Variants in RASAL2 observed in about 807,000 individuals in gnomAD.
RASAL2 encodes RAS protein activator like 2.
In RASAL2, 58 loss-of-function variants were observed where a neutral mutation model predicts 128.9. The observed-to-expected ratio is 0.45, with a 90% confidence interval of 0.36 to 0.56. The LOEUF is 0.56. RASAL2 is among the 20% of genes least tolerant of loss of function. The pLI is 0.00. For synonymous variants in RASAL2, 561 were observed against 580.8 expected (o/e 0.97, Z 0.49); for missense variants, 1,360 against 1,601.6 (o/e 0.85, Z 2.57).
At chr1:178,251,164 A>C (rs1665036398) in intron 1 of RASAL2, among the ~76,000 whole-genome samples, 1 of 152,170 alleles carries the variant, frequency 6.6e-6, no homozygotes. Context: ...TCGTGTCTAA[A>C]TCTAGCCATC....
intron 1 of RASAL2, among the ~76,000 whole-genome samples, chr1:178,208,141 T>C (rs992505303): frequency 6.6e-6 from 1 of 152,194 alleles, no homozygotes; most frequent in African/African-American, 2.4e-5. Flanking sequence ...GTTTGAACAA[T>C]ATGAAATCAG....
chr1:178,111,317 C>G (rs1400326268), intron 1 of RASAL2, among the ~76,000 whole-genome samples: 1 of 152,182 alleles, frequency 6.6e-6, no homozygotes, highest in East Asian at 1.9e-4. Flanking sequence ...CCATGTTGCC[C>G]AGGCTTATCT....
At chr1:178,361,000 T>C (rs1671077181) in intron 3 of RASAL2, among the ~76,000 whole-genome samples, 1 of 152,242 alleles carries the variant, frequency 6.6e-6, no homozygotes, top group South Asian at 2.1e-4. Context: ...TTTCTATTGA[T>C]ATAATATTTA....
intron 1 of RASAL2, among the ~76,000 whole-genome samples, chr1:178,116,216 C>CT (rs1239700428): frequency 6.6e-6 from 1 of 152,008 alleles, no homozygotes; most frequent in Admixed American, 6.6e-5. Flanking sequence ...TTTTATGGAG[C>CT]TTTTTTATTA....
intron 14 of RASAL2, among the ~76,000 whole-genome samples, chr1:178,462,512 A>G (rs1327743545): frequency 6.6e-6 from 1 of 152,140 alleles, no homozygotes; most frequent in Non-Finnish European, 1.5e-5. Context: ...TGAAGAACAT[A>G]CTACAACAAA....
intron 1 of RASAL2, among the ~76,000 whole-genome samples, chr1:178,139,266 A>G (rs543651573): frequency 6.6e-6 from 1 of 152,150 alleles, no homozygotes; most frequent in South Asian, 2.1e-4. Context: ...CATGGGAATA[A>G]GGGAACTTTT....
chr1:178,292,976 A>C (rs1020573969), intron 2 of RASAL2, among the ~76,000 whole-genome samples: 1 of 152,166 alleles, frequency 6.6e-6, no homozygotes, highest in African/African-American at 2.4e-5. Context: ...AAGTGTTTAC[A>C]CTCAGATATG....
chr1:178,257,385 A>G (rs11580064), intron 1 of RASAL2, among the ~76,000 whole-genome samples: 15,428 of 151,768 alleles, frequency 0.1, 813 homozygotes, highest in Middle Eastern at 0.14. Context: ...AGTAGTAACC[A>G]ATCAAGAATC....
At chr1:178,451,424 GCTT>G in intron 9 of RASAL2, 144 bp from the exon 10 acceptor site, 1 of 756,664 alleles carries the variant, frequency 1.3e-6, no homozygotes, top group Admixed American at 2.9e-5. Context: ...AAGCAATGAG[GCTT>G]CATGGGCCAT....
intron 1 of RASAL2, among the ~76,000 whole-genome samples, chr1:178,226,893 T>C (rs976403348): frequency 1.3e-5 from 2 of 152,120 alleles, no homozygotes; most frequent in South Asian, 2.1e-4. Context: ...TGAGCCAAGA[T>C]CATGCCACTG....
intron 3 of RASAL2, among the ~76,000 whole-genome samples, chr1:178,344,031 G>A (rs7522792): frequency 0.068 from 10,279 of 152,096 alleles, 1,114 homozygotes; most frequent in African/African-American, 0.23. Flanking sequence ...GCATAAAAAA[G>A]AAACTCTCAT....
intron 1 of RASAL2, among the ~76,000 whole-genome samples, chr1:178,198,374 A>T (rs369503123): frequency 7.9e-5 from 12 of 151,930 alleles, no homozygotes; most frequent in African/African-American, 2.9e-4. Context: ...TGGAGGGGGC[A>T]CTCTGGTTTT....
At chr1:178,451,129 T>C (rs1677348131) in intron 9 of RASAL2, among the ~76,000 whole-genome samples, 1 of 152,192 alleles carries the variant, frequency 6.6e-6, no homozygotes, top group Non-Finnish European at 1.5e-5. Flanking sequence ...CTTGCATCCG[T>C]GTTTGGCACC....
chr1:178,334,317 T>A (rs1669477857), intron 3 of RASAL2, among the ~76,000 whole-genome samples: 1 of 152,026 alleles, frequency 6.6e-6, no homozygotes, highest in Non-Finnish European at 1.5e-5. Flanking sequence ...TGGTAAAAAA[T>A]CATTCATTTA....
intron 1 of RASAL2, among the ~76,000 whole-genome samples, chr1:178,175,424 A>G (rs1661847821): frequency 7.8e-6 from 1 of 129,012 alleles, no homozygotes; most frequent in South Asian, 2.8e-4. Context: ...TATTCTGTGT[A>G]TATACATGGT....
In RASAL2 at chr1:178,302,611, A is replaced by G. The variant is rs533793615; in HGVS notation, c.457+2493A>G. On this transcript the variant is annotated intron_variant, in intron 3 of 17. Coordinates refer to ENST00000367649, the MANE Select transcript of RASAL2 (RefSeq NM_170692.4). ...AATGAATTTCAAAATTTCTGTCCCC[A>G]TCCTTACCACCACATACACGTATAC... Among the ~76,000 whole-genome samples, 5 of 152,338 alleles carry G rather than the reference A, an allele frequency of 3.3e-5. 1 individual carries two copies. The East Asian group carries it at 9.6e-4, about 29-fold the overall frequency.
chr1:178,307,663 A>G (rs1668057785), intron 3 of RASAL2, among the ~76,000 whole-genome samples: 2 of 152,218 alleles, frequency 1.3e-5, no homozygotes, highest in African/African-American at 4.8e-5. Flanking sequence ...AAAGCTGAAG[A>G]GTGGACATTT....
chr1:178,404,529 T>C (rs757746506), intron 4 of RASAL2, among the ~76,000 whole-genome samples: 4 of 151,690 alleles, frequency 2.6e-5, no homozygotes, highest in African/African-American at 4.8e-5. Flanking sequence ...TACAAGCCCG[T>C]ACCACCACGC....
At chr1:178,300,264 TAGAG>T (rs1667707403) in intron 3 of RASAL2, 146 bp downstream of exon 3, 1 of 964,680 alleles carries the variant, frequency 1.0e-6, no homozygotes, top group East Asian at 2.7e-5. Flanking sequence ...TAGAGGTCAT[TAGAG>T]AGTTCTGTTC....
Sources: gnomAD v4.1 joint callset for allele counts (sites outside exome capture counted in the v4.1 genomes callset) on GRCh38, gnomAD v4.1.1 for gene constraint, MANE v1.5 for transcripts, NCBI Gene and HGNC (gene_info 2026-07-23, HGNC 2026-07-21) for gene names.